Variants in MPDZ observed in about 807,000 individuals in gnomAD.
MPDZ encodes the protein multiple PDZ domain crumbs cell polarity complex component.
MPDZ carries 234 observed loss-of-function variants against 239.1 expected under a neutral mutation model. That is an observed-to-expected ratio of 0.98 (90% CI 0.88 to 1.09). MPDZ has a LOEUF of 1.09. Ranked by LOEUF, MPDZ falls within the 50% of genes least tolerant of loss-of-function variation. The pLI is 0.00. For missense variants in MPDZ, 3,175 were observed against 2,510.0 expected (o/e 1.26, Z -5.66); for synonymous variants, 1,048 against 881.3 (o/e 1.19, Z -3.35).
At chr9:13,245,220 T>C (rs563608871) in intron 3 of MPDZ, among the ~76,000 whole-genome samples, 19 of 151,876 alleles carry the variant, frequency 1.3e-4, no homozygotes, top group Middle Eastern at 3.2e-3. Flanking sequence ...TATATTTAAA[T>C]TTTAGAATAG....
intron 16 of MPDZ, among the ~76,000 whole-genome samples, chr9:13,189,515 C>G (rs1189463401): frequency 6.6e-6 from 1 of 152,022 alleles, no homozygotes; most frequent in Non-Finnish European, 1.5e-5. Flanking sequence ...TAACAAGGCT[C>G]CAGAGTCAGG....
intron 22 of MPDZ, chr9:13,165,483 G>A: frequency 6.6e-7 from 1 of 1,520,488 alleles, no homozygotes; most frequent in Non-Finnish European, 8.9e-7. Context: ...TGCTGAATGT[G>A]AGATGCATAC....
intron 11 of MPDZ, 130 bp downstream of exon 11, chr9:13,205,786 T>C (rs919308679): frequency 6.3e-6 from 5 of 797,660 alleles, no homozygotes; most frequent in South Asian, 2.6e-5. Flanking sequence ...TGGTTTATAA[T>C]GAATAGTTGA....
chr9:13,140,854 C>G (rs1162871292), intron 27 of MPDZ: 2 of 152,094 alleles, frequency 1.3e-5, no homozygotes, highest in Non-Finnish European at 2.9e-5. Flanking sequence ...TGAATCCTCT[C>G]TCCATATGAT....
intron 21 of MPDZ, among the ~76,000 whole-genome samples, chr9:13,172,927 G>A (rs992524589): frequency 6.6e-6 from 1 of 152,154 alleles, no homozygotes; most frequent in Non-Finnish European, 1.5e-5. Context: ...AAAGTATAGT[G>A]TATACATACA....
intron 28 of MPDZ, 135 bp downstream of exon 28, chr9:13,139,852 A>G (rs1947373316): frequency 1.9e-6 from 2 of 1,028,462 alleles, no homozygotes; most frequent in East Asian, 2.4e-5. Flanking sequence ...AACAAACACT[A>G]TTTCTTTCCA....
At chr9:13,200,063 T>C (rs979172315) in intron 12 of MPDZ, among the ~76,000 whole-genome samples, 7 of 151,984 alleles carry the variant, frequency 4.6e-5, no homozygotes, top group African/African-American at 1.7e-4. Flanking sequence ...AATTCTGCAG[T>C]GAAGTTTAAG....
intron 45 of MPDZ, 46 bp from the exon 46 acceptor site, chr9:13,109,105 A>C (rs549950693): frequency 3.9e-6 from 5 of 1,286,872 alleles, no homozygotes; most frequent in South Asian, 2.5e-5. Context: ...AAAAAAAAAA[A>C]ACTATACATA....
chr9:13,122,729 C>T (rs1418816487), intron 36 of MPDZ, among the ~76,000 whole-genome samples: 1 of 152,154 alleles, frequency 6.6e-6, no homozygotes, highest in African/African-American at 2.4e-5. Context: ...GTTGAACAGG[C>T]TGATCTCAAA....
At chr9:13,233,146 TC>T (rs1156507719) in intron 3 of MPDZ, among the ~76,000 whole-genome samples, 1 of 152,030 alleles carries the variant, frequency 6.6e-6, no homozygotes, top group Non-Finnish European at 1.5e-5. Context: ...TTTGGCAGAA[TC>T]CACGAAAGCT....
intron 13 of MPDZ, among the ~76,000 whole-genome samples, chr9:13,194,796 C>T (rs2135204413): frequency 6.6e-6 from 1 of 152,170 alleles, no homozygotes; most frequent in East Asian, 1.9e-4. Flanking sequence ...TCAATTACCA[C>T]CCGAAGGACT....
intron 19 of MPDZ, among the ~76,000 whole-genome samples, chr9:13,182,068 A>C (rs2134444444): frequency 6.6e-6 from 1 of 152,170 alleles, no homozygotes; most frequent in Middle Eastern, 3.4e-3. Context: ...ATAAAAGAAA[A>C]TGCTTTGAAA....
intron 3 of MPDZ, among the ~76,000 whole-genome samples, chr9:13,232,289 GA>G (rs1962717603): frequency 6.6e-6 from 1 of 152,046 alleles, no homozygotes; most frequent in Non-Finnish European, 1.5e-5. Flanking sequence ...AAAACAATTA[GA>G]AACTAAAATG....
chr9:13,110,271 A>G (rs1298773053), intron 44 of MPDZ, among the ~76,000 whole-genome samples: 1 of 152,172 alleles, frequency 6.6e-6, no homozygotes, highest in Non-Finnish European at 1.5e-5. Flanking sequence ...TATTCTTCTA[A>G]TTCTATTCTA....
chr9:13,228,883 T>C (rs1031352494), intron 3 of MPDZ, among the ~76,000 whole-genome samples: 7 of 152,168 alleles, frequency 4.6e-5, no homozygotes, highest in Non-Finnish European at 1.0e-4. Flanking sequence ...ACAAATAGCT[T>C]TAAAAATGAC....
intron 24 of MPDZ, among the ~76,000 whole-genome samples, chr9:13,152,710 T>C (rs2133140851): frequency 6.6e-6 from 1 of 152,202 alleles, no homozygotes; most frequent in East Asian, 1.9e-4. Flanking sequence ...ATCTCCTTAC[T>C]ATTCCTTAAG....
At position 13,136,077 on chromosome 9, in the gene MPDZ, A is replaced by G. The variant is rs533883676; in HGVS notation, c.4383+15T>C. The G allele has an allele frequency of 5.8e-5, 89 of 1,540,814 alleles. 3 individuals carry two copies. The South Asian group carries it at 7.7e-4, about 13-fold the overall frequency. On this transcript the variant is annotated intron_variant, in intron 31 of 46. Transcript: ENST00000319217. ...ATCAAGTCTTCCCAGAGAAACAAACATAAGTTACATATACCTCCTTATTTT... is the reference window on the plus strand; with the variant it reads ...ATCAAGTCTTCCCAGAGAAACAAACGTAAGTTACATATACCTCCTTATTTT...
intron 1 of MPDZ, among the ~76,000 whole-genome samples, chr9:13,251,551 A>C (rs981580618): frequency 6.6e-6 from 1 of 152,230 alleles, no homozygotes; most frequent in Non-Finnish European, 1.5e-5. Context: ...TCAGTCAGTC[A>C]TTCCTTCAAT....
chr9:13,199,751 A>C (rs185612416), intron 12 of MPDZ, among the ~76,000 whole-genome samples: 5 of 152,072 alleles, frequency 3.3e-5, no homozygotes, highest in Admixed American at 2.6e-4. Flanking sequence ...CATCTATTTG[A>C]TGTATCCCAT....
Sources: allele counts gnomAD v4.1 joint callset (sites outside exome capture counted in the v4.1 genomes callset), GRCh38; gene constraint gnomAD v4.1.1; transcripts MANE v1.5; gene names NCBI Gene and HGNC (gene_info 2026-07-23, HGNC 2026-07-21).